Variants in BTLA observed in about 807,000 individuals in gnomAD.
BTLA encodes B- and T-lymphocyte attenuator.
A neutral mutation model predicts 25.0 loss-of-function variants in BTLA; 11 were observed. That is an observed-to-expected ratio of 0.44 (90% CI 0.28 to 0.73). The LOEUF (loss-of-function observed/expected upper bound fraction) is 0.73, where lower values mean the gene tolerates loss of function less well. BTLA is among the 30% of genes least tolerant of loss of function. The pLI is 0.15. For synonymous variants in BTLA, 104 were observed against 119.8 expected (o/e 0.87, Z 0.86); for missense variants, 282 against 332.8 (o/e 0.85, Z 1.19).
At chr3:112,470,770 T>A (rs1349703727) in intron 3 of BTLA, among the ~76,000 whole-genome samples, 1 of 152,216 alleles carries the variant, frequency 6.6e-6, no homozygotes, top group Non-Finnish European at 1.5e-5. Context: ...GGACATTGGT[T>A]CTTCAGTTAC....
rs142632231 is a variant in BTLA at position 112,493,133 on chromosome 3, G to C, written c.88+6138C>G. 1.9e-3 allele frequency among the ~76,000 whole-genome samples: 292 copies of C among 152,308 alleles called. 1 individual carries two copies. The highest frequency in any genetic ancestry group is 6.5e-3 in the African/African-American group (269 of 41,562). On this transcript the variant is annotated intron_variant, in intron 1 of 4. Transcript: ENST00000334529. The stretch of plus-strand genomic sequence containing the variant: ...GCTTATTTTGAGGTAAGAGAATGGA[G>C]AGTATTAGAAAAGTGAAGCAAATCG...
intron 2 of BTLA, among the ~76,000 whole-genome samples, chr3:112,471,780 A>G (rs1350245087): frequency 6.6e-6 from 1 of 152,246 alleles, no homozygotes; most frequent in Non-Finnish European, 1.5e-5. Context: ...ACATGTTTGT[A>G]ACAGGAAATT....
chr3:112,466,520 G>T, intron 4 of BTLA, 137 bp from the exon 5 acceptor site: 1 of 714,600 alleles, frequency 1.4e-6, no homozygotes, highest in Non-Finnish European at 2.1e-6. Flanking sequence ...CACATACTCT[G>T]CTGACATCTA....
chr3:112,489,183 G>A (rs543827746), intron 1 of BTLA, among the ~76,000 whole-genome samples: 1 of 152,178 alleles, frequency 6.6e-6, no homozygotes, highest in South Asian at 2.1e-4. Context: ...ACTCAGGGGT[G>A]GATATTAAAA....
rs1217319943 is a variant in BTLA at position 112,471,288 on chromosome 3, ACGATAC to A, written c.465_470del (p.Tyr156_Arg157del). The A allele has an allele frequency of 6.2e-7, 1 of 1,614,070 alleles. No homozygotes were observed. Among genetic ancestry groups the A allele is most frequent in the Admixed American group, 1.7e-5 (1 of 60,020 alleles). The stretch of plus-strand genomic sequence containing the variant: ...GAGGCAATCCCCCCAAAGGAAGTAA[ACGATAC>A]AGGAGCCAGGGTCTGCTTGCCATTT... On this transcript the variant is annotated inframe_deletion, in exon 3 of 5. Transcript: ENST00000334529.
At chr3:112,483,307 C>A (rs1473284881) in intron 1 of BTLA, among the ~76,000 whole-genome samples, 1 of 151,814 alleles carries the variant, frequency 6.6e-6, no homozygotes, top group Non-Finnish European at 1.5e-5. Context: ...CACCACCACG[C>A]CCAGCTGATT....
At chr3:112,469,913 T>G (rs1190170950) in intron 3 of BTLA, 109 bp from the exon 4 acceptor site, 3 of 857,166 alleles carry the variant, frequency 3.5e-6, no homozygotes, top group Admixed American at 1.9e-5. Flanking sequence ...GTGTTGTTAG[T>G]TTTGGCTTGT....
chr3:112,466,154 A>G lies in BTLA; in HGVS notation c.824T>C (p.Val275Ala), dbSNP rs1218247432. The G allele has an allele frequency of 6.2e-7, 1 of 1,610,012 alleles. No homozygotes were observed. The highest frequency in any genetic ancestry group is 1.1e-5 in the South Asian group (1 of 90,666). The change falls in exon 5 of 5, where the codon GTA (valine) becomes GCA (alanine). Residue 275 changes from valine (V) to alanine (A), a missense_variant. By Grantham distance (64) the Val-to-Ala change is moderately conservative. Around this residue, in one of 2 missense-constraint regions of BTLA, gnomAD observed 119 missense variants for 102.3 expected, o/e 1.16. Transcript: ENST00000334529. ...TGCATATTCTGTTGGTGCTTCTTTTACATTTCTTGCCAGTCTTGAGTTCGG... is the reference window on the plus strand; with the variant it reads ...TGCATATTCTGTTGGTGCTTCTTTTGCATTTCTTGCCAGTCTTGAGTTCGG... ...IGPNSRLARN[V>A]KEAPTEYASI...
chr3:112,477,736 A>G (rs758196990), intron 2 of BTLA, among the ~76,000 whole-genome samples: 12 of 152,092 alleles, frequency 7.9e-5, no homozygotes, highest in Non-Finnish European at 1.6e-4. Flanking sequence ...ATTGTTTTAT[A>G]TAATGCAGTT....
At chr3:112,485,978 G>T (rs545075352) in intron 1 of BTLA, among the ~76,000 whole-genome samples, 1 of 152,162 alleles carries the variant, frequency 6.6e-6, no homozygotes, top group African/African-American at 2.4e-5. Flanking sequence ...TTAGCCGGGC[G>T]TGGTGGCGGG....
chr3:112,490,070 A>T (rs1460391638), intron 1 of BTLA, among the ~76,000 whole-genome samples: 4 of 152,116 alleles, frequency 2.6e-5, no homozygotes, highest in African/African-American at 7.2e-5. Context: ...ACATCAGAAA[A>T]CCCAGGTAGC....
intron 4 of BTLA, among the ~76,000 whole-genome samples, chr3:112,468,417 G>A (rs547187353): frequency 9.9e-5 from 15 of 152,104 alleles, no homozygotes; most frequent in African/African-American, 3.4e-4. Context: ...AGCCCCAAGG[G>A]TATAATATGG....
intron 1 of BTLA, among the ~76,000 whole-genome samples, chr3:112,483,382 AGGTGATCAG>A (rs1366007517): frequency 2.0e-5 from 3 of 151,734 alleles, no homozygotes; most frequent in African/African-American, 7.3e-5. Flanking sequence ...TCCCAACCTG[AGGTGATCAG>A]CTCATCTCGG....
intron 2 of BTLA, among the ~76,000 whole-genome samples, chr3:112,475,046 TA>T (rs1466141134): frequency 6.6e-6 from 1 of 152,160 alleles, no homozygotes; most frequent in Non-Finnish European, 1.5e-5. Context: ...GGGGAAATAC[TA>T]AAGACAAAGA....
At chr3:112,466,619 G>C (rs887782011) in intron 4 of BTLA, among the ~76,000 whole-genome samples, 39 of 152,170 alleles carry the variant, frequency 2.6e-4, no homozygotes, top group Non-Finnish European at 4.6e-4. Flanking sequence ...CTTTATTACT[G>C]GTCACTTTTG....
At chr3:112,475,325 G>A (rs1163568177) in intron 2 of BTLA, among the ~76,000 whole-genome samples, 1 of 152,120 alleles carries the variant, frequency 6.6e-6, no homozygotes, top group Admixed American at 6.5e-5. Context: ...GGCCCTTCAT[G>A]TCTCCTATTT....
chr3:112,483,573 T>C (rs1031843884), intron 1 of BTLA, among the ~76,000 whole-genome samples: 1 of 152,154 alleles, frequency 6.6e-6, no homozygotes, highest in African/African-American at 2.4e-5. Context: ...TTAGGAAGCC[T>C]AGGAATAAAT....
intron 1 of BTLA, among the ~76,000 whole-genome samples, chr3:112,487,646 C>T (rs1312677629): frequency 2.0e-5 from 3 of 152,078 alleles, no homozygotes; most frequent in Non-Finnish European, 4.4e-5. Flanking sequence ...ACAATGGAGC[C>T]ACTTGTTCAC....
chr3:112,469,497 C>T (rs2082248431), intron 4 of BTLA, among the ~76,000 whole-genome samples: 1 of 151,544 alleles, frequency 6.6e-6, no homozygotes, highest in African/African-American at 2.4e-5. Context: ...ATCTAGACTG[C>T]CTTCCATGAA....
Sources: gnomAD v4.1 joint callset for allele counts (sites outside exome capture counted in the v4.1 genomes callset) on GRCh38, gnomAD v4.1.1 for gene constraint, gnomAD v4.1.1 regional missense constraint, MANE v1.5 for transcripts, NCBI Gene and HGNC (gene_info 2026-07-23, HGNC 2026-07-21) for gene names.